The following HSD11B1 variants were observed in gnomAD, a reference collection of about 807,000 sequenced individuals.
HSD11B1 encodes 11-beta-hydroxysteroid dehydrogenase 1.
In HSD11B1, 15 loss-of-function variants were observed where a neutral mutation model predicts 22.1. The observed-to-expected ratio is 0.68, with a 90% CI of 0.45 to 1.04. The LOEUF (loss-of-function observed/expected upper bound fraction) is 1.04. Ranked by LOEUF, HSD11B1 falls within the 50% of genes least tolerant of loss-of-function variation. HSD11B1 has a pLI of 0.00. For missense variants in HSD11B1, 281 were observed against 357.6 expected, an observed-to-expected ratio of 0.79 and a Z score of 1.73; for synonymous variants, 122 against 125.2, an observed-to-expected ratio of 0.97 and a Z score of 0.17.
At chr1:209,730,981 A>G (rs932218608) in intron 4 of HSD11B1, among the ~76,000 whole-genome samples, 81 of 152,234 alleles carry the variant, frequency 5.3e-4, no homozygotes, top group Non-Finnish European at 1.0e-4. Context: ...GAGTTTCTCA[A>G]TTGTATAGCT....
chr1:209,732,650 C>A (rs2102402434), intron 5 of HSD11B1, 71 bp downstream of exon 5: 2 of 1,338,376 alleles, frequency 1.5e-6, no homozygotes, highest in East Asian at 4.6e-5. Context: ...GCAGAACATG[C>A]AGGTTTGTTA....
intron 1 of HSD11B1, among the ~76,000 whole-genome samples, chr1:209,688,433 T>C (rs2076740627): frequency 6.6e-6 from 1 of 152,228 alleles, no homozygotes; most frequent in Non-Finnish European, 1.5e-5. Flanking sequence ...CAACTTTCCT[T>C]GTGCTTGACT....
intron 1 of HSD11B1, among the ~76,000 whole-genome samples, chr1:209,687,955 A>G (rs2076737961): frequency 6.6e-6 from 1 of 152,190 alleles, no homozygotes; most frequent in South Asian, 2.1e-4. Context: ...AGCATTTTAC[A>G]TGTCTCATTT....
Position 209,734,676 on chromosome 1 carries a change from T to C in HSD11B1, c.*155T>C. ...ACAAATGGAAGGAGTTCCTCTAACA[T>C]TTGCAAAATGGAAATGTAATAATAA... On this transcript the variant is annotated 3_prime_UTR_variant, in exon 6 of 6. Coordinates refer to ENST00000367027, the MANE Select transcript of HSD11B1 (RefSeq NM_005525.4). 1.5e-6 allele frequency: 1 copy of C among 660,750 alleles called. No individual in the cohort carries two copies. The highest frequency in any genetic ancestry group is 1.7e-5 in the South Asian group (1 of 60,222). 40.9% of individuals were successfully genotyped at this position (660,750 alleles called of 1,614,324 possible).
At chr1:209,707,722 T>C (rs2076869332) in intron 4 of HSD11B1, among the ~76,000 whole-genome samples, 1 of 152,100 alleles carries the variant, frequency 6.6e-6, no homozygotes, top group Non-Finnish European at 1.5e-5. Flanking sequence ...TGAAGGGACT[T>C]GAGAGGCTGC....
intron 4 of HSD11B1, among the ~76,000 whole-genome samples, chr1:209,715,971 T>G (rs1384766064): frequency 6.6e-6 from 1 of 152,120 alleles, no homozygotes; most frequent in Non-Finnish European, 1.5e-5. Context: ...GACCCACAGC[T>G]AACATCATAC....
intron 1 of HSD11B1, among the ~76,000 whole-genome samples, chr1:209,696,096 A>G (rs535967074): frequency 6.6e-6 from 1 of 152,362 alleles, no homozygotes; most frequent in African/African-American, 2.4e-5. Flanking sequence ...GAAAGAAGTC[A>G]GACAAAAGAT....
chr1:209,696,383 C>T (rs1471304716), intron 1 of HSD11B1, among the ~76,000 whole-genome samples: 1 of 152,144 alleles, frequency 6.6e-6, no homozygotes, highest in African/African-American at 2.4e-5. Context: ...AAAAAATAAT[C>T]ATGTCAGTTT....
chr1:209,709,370 C>T (rs560461813), intron 4 of HSD11B1, among the ~76,000 whole-genome samples: 3 of 152,206 alleles, frequency 2.0e-5, no homozygotes, highest in Non-Finnish European at 2.9e-5. Context: ...CATCTATCCA[C>T]TATTCACCAC....
intron 4 of HSD11B1, among the ~76,000 whole-genome samples, chr1:209,723,691 T>C (rs754109818): frequency 7.5e-4 from 114 of 152,200 alleles, no homozygotes; most frequent in Non-Finnish European, 1.3e-3. Context: ...TGTTTGTTCT[T>C]TCCTCTCTTT....
At chr1:209,726,865 G>A (rs1464914468) in intron 4 of HSD11B1, among the ~76,000 whole-genome samples, 4 of 152,132 alleles carry the variant, frequency 2.6e-5, no homozygotes, top group South Asian at 2.1e-4. Context: ...CTATGGCTTC[G>A]CAGGATATCT....
At chr1:209,723,243 A>G (rs990625119) in intron 4 of HSD11B1, among the ~76,000 whole-genome samples, 5 of 152,136 alleles carry the variant, frequency 3.3e-5, no homozygotes, top group Admixed American at 1.3e-4. Flanking sequence ...ACCCTCCCAC[A>G]TAAGCCAAAA....
chr1:209,716,120 A>G (rs915800240), intron 4 of HSD11B1, among the ~76,000 whole-genome samples: 1 of 152,240 alleles, frequency 6.6e-6, no homozygotes, highest in Non-Finnish European at 1.5e-5. Flanking sequence ...AAAGACATCC[A>G]AACTAGAAAA....
rs1415695398 is a variant in HSD11B1, at chr1:209,728,686, A to T, written c.518-3750A>T. Among the ~76,000 whole-genome samples, 6 of 152,280 alleles carry T rather than the reference A, an allele frequency of 3.9e-5. No homozygotes were observed. In the East Asian group the frequency reaches 9.6e-4, roughly 24 times the overall value. ...GATTCTCTTGGCTCTGCTCTCTTCC[A>T]TGTGTGGCTTCATCCTCAGGCTGAC... is the stretch of plus-strand genomic sequence containing the variant. On this transcript the variant is annotated intron_variant, in intron 4 of 5. Coordinates refer to ENST00000367027, the MANE Select transcript of HSD11B1 (RefSeq NM_005525.4).
upstream of HSD11B1, among the ~76,000 whole-genome samples, chr1:209,703,767 T>C (rs2076838787): frequency 6.6e-6 from 1 of 152,238 alleles, no homozygotes; most frequent in African/African-American, 2.4e-5. Flanking sequence ...ATTTAAATTT[T>C]TTCCCCGCTC....
chr1:209,726,828 T>TA (rs1413217669), intron 4 of HSD11B1, among the ~76,000 whole-genome samples: 1 of 152,184 alleles, frequency 6.6e-6, no homozygotes, highest in Non-Finnish European at 1.5e-5. Flanking sequence ...ATAAGTGGTA[T>TA]AAAAATAACT....
At chr1:209,686,806 C>A (rs555620543) in intron 1 of HSD11B1, among the ~76,000 whole-genome samples, 1 of 152,290 alleles carries the variant, frequency 6.6e-6, no homozygotes, top group East Asian at 1.9e-4. Flanking sequence ...ACATTTAGAT[C>A]TAGAGTGTTG....
chr1:209,724,452 C>T (rs766914393), intron 4 of HSD11B1, among the ~76,000 whole-genome samples: 5 of 152,156 alleles, frequency 3.3e-5, no homozygotes, highest in Non-Finnish European at 7.3e-5. Context: ...TTTCCATGTT[C>T]CCTGTAAGTG....
At chr1:209,721,551 T>C (rs1435818744) in intron 4 of HSD11B1, among the ~76,000 whole-genome samples, 1 of 152,074 alleles carries the variant, frequency 6.6e-6, no homozygotes, top group Non-Finnish European at 1.5e-5. Context: ...GGGCTTTTTC[T>C]GGGTTCTTCA....
Sources: gnomAD v4.1 joint callset for allele counts (sites outside exome capture counted in the v4.1 genomes callset) on GRCh38, gnomAD v4.1.1 for gene constraint, MANE v1.5 for transcripts, NCBI Gene and HGNC (gene_info 2026-07-23, HGNC 2026-07-21) for gene names.